CLDN12: variants seen among roughly 807,000 people sequenced by gnomAD.
CLDN12 encodes claudin-12.
Under a neutral mutation model 15.5 loss-of-function variants are expected in CLDN12, and 9 were observed. The observed-to-expected ratio is 0.58, with a 90% CI of 0.35 to 1.02. CLDN12 has a LOEUF of 1.02. Ranked by LOEUF, CLDN12 falls within the 50% of genes least tolerant of loss-of-function variation. The probability of loss-of-function intolerance (pLI) is 0.02; values close to 1 mark genes in which losing one functional copy is unlikely to be tolerated. For missense variants in CLDN12, 233 were observed against 297.3 expected (o/e 0.78, Z 1.59); for synonymous variants, 140 against 121.6 (o/e 1.15, Z -1.00).
At chr7:90,410,356 A>G (rs1016949318) in intron 2 of CLDN12, among the ~76,000 whole-genome samples, 22 of 152,238 alleles carry the variant, frequency 1.4e-4, no homozygotes, top group Admixed American at 2.6e-4. Context: ...AGAAGGTAAC[A>G]TAATAAATAC....
At chr7:90,409,754 A>G (rs1360756814) in intron 2 of CLDN12, among the ~76,000 whole-genome samples, 1 of 152,348 alleles carries the variant, frequency 6.6e-6, no homozygotes, top group East Asian at 1.9e-4. Context: ...ATCACTTGAT[A>G]CGTAGTAATT....
chr7:90,414,292 G>A lies in CLDN12; in HGVS notation c.*881G>A. ...GGACAAGAAGTCTGTTCTTCAGTGA[G>A]TACACTAGAGATTTACTCTGGTGAC... On this transcript the variant is annotated 3_prime_UTR_variant, in exon 4 of 4. Coordinates refer to ENST00000496677, the MANE Select transcript of CLDN12 (RefSeq NM_001185072.3). 3.0e-6 allele frequency: 3 copies of A among 1,000,114 alleles called. No homozygotes were observed. Among genetic ancestry groups the A allele is most frequent in the Non-Finnish European group, 3.6e-6 (3 of 829,854 alleles). 62.0% of individuals were successfully genotyped at this position (1,000,114 alleles called of 1,614,324 possible).
At chr7:90,409,053 C>T (rs1209004168) in intron 2 of CLDN12, 2 of 152,140 alleles carry the variant, frequency 1.3e-5, no homozygotes, top group African/African-American at 2.4e-5. Context: ...TGAGCCACAG[C>T]ACCTGGCCTG....
At chr7:90,410,905 G>A (rs906714833) in intron 2 of CLDN12, among the ~76,000 whole-genome samples, 2 of 152,098 alleles carry the variant, frequency 1.3e-5, no homozygotes. Context: ...GCTGAGGTGG[G>A]AGGATCGCTT....
chr7:90,409,998 G>T (rs1166858717), intron 2 of CLDN12, among the ~76,000 whole-genome samples: 4 of 152,052 alleles, frequency 2.6e-5, no homozygotes, highest in Non-Finnish European at 4.4e-5. Context: ...CATTACCAGT[G>T]GCCCACCTTT....
At position 90,414,469 on chromosome 7, in the gene CLDN12, A is replaced by T. The variant is rs538983399; in HGVS notation, c.*1058A>T. The T allele has an allele frequency of 2.8e-5, 24 of 863,126 alleles. No individual in the cohort carries two copies. The highest frequency in any genetic ancestry group is 3.4e-5 in the Non-Finnish European group (24 of 705,150). The allele number at this position is 863,126 out of a possible 1,614,324, so 53.5% of individuals were successfully genotyped here. ...GTAGGTGCTATAGAGGATACATGAA[A>T]AGTATGAGATCTGGTTCCATCCAGT... On this transcript the variant is annotated 3_prime_UTR_variant, in exon 4 of 4. Coordinates refer to ENST00000496677, the MANE Select transcript of CLDN12 (RefSeq NM_001185072.3).
At chr7:90,408,541 T>A (rs1176187798) in intron 2 of CLDN12, among the ~76,000 whole-genome samples, 5 of 152,176 alleles carry the variant, frequency 3.3e-5, no homozygotes, top group African/African-American at 9.7e-5. Flanking sequence ...TGGTGGGATA[T>A]ATGACTTATC....
chr7:90,405,896 T>A (rs1245387893), intron 2 of CLDN12: 6 of 152,204 alleles, frequency 3.9e-5, no homozygotes, highest in African/African-American at 1.4e-4. Flanking sequence ...GCCCAGGAGT[T>A]TGAGACCATC....
rs1796990980 is a variant in CLDN12 at position 90,412,675 on chromosome 7, C to T, written c.-2C>T. On this transcript the variant is annotated 5_prime_UTR_variant, in exon 4 of 4. Transcript: ENST00000496677. ...TGACAGTACTCCACAAGCTTGCCTG[C>T]CATGGGCTGTCGGGATGTCCACGCA... is the stretch of plus-strand genomic sequence containing the variant. 3 of 1,609,384 alleles carry T rather than the reference C, an allele frequency of 1.9e-6. No individual in the cohort carries two copies. The highest frequency in any genetic ancestry group is 1.3e-5 in the African/African-American group (1 of 74,984).
chr7:90,412,705 C>T lies in CLDN12; in HGVS notation c.29C>T (p.Thr10Ile), dbSNP rs775261538. Residue 10 changes from threonine to isoleucine, a missense_variant, in exon 4 of 4, where the codon ACA becomes ATA. Coordinates refer to ENST00000496677, the MANE Select transcript of CLDN12 (RefSeq NM_001185072.3). ...GGCTGTCGGGATGTCCACGCAGCCA[C>T]AGTCCTTTCCTTCCTGTGTGGAATC... The part of the protein sequence containing the change: MGCRDVHAA[T>I]VLSFLCGIAS... 1.2e-6 allele frequency: 2 copies of T among 1,613,828 alleles called. No individual in the cohort carries two copies. Among genetic ancestry groups the T allele is most frequent in the East Asian group, 2.2e-5 (1 of 44,880 alleles).
Position 90,413,162 on chromosome 7 carries a change from C to A in CLDN12, c.486C>A (p.Asn162Lys), listed in dbSNP as rs1562969631. ...TCATCTTTTATAACATCCATCTGAA[C>A]AAGAAGTTTGAGCCAGTCTTTTCAT... ...IWVIFYNIHLNKKFEPVFSFD... is the reference protein window; with the variant it reads ...IWVIFYNIHLKKKFEPVFSFD... Residue 162 changes from asparagine (N) to lysine (K), a missense_variant, in exon 4 of 4, where the codon AAC (asparagine) becomes AAA (lysine). Physicochemically the swap from Asn to Lys is moderately conservative, Grantham distance 94 (BLOSUM62 0). Coordinates refer to ENST00000496677, the MANE Select transcript of CLDN12 (RefSeq NM_001185072.3). 1.2e-6 allele frequency: 2 copies of A among 1,614,092 alleles called. No homozygotes were observed. The highest frequency in any genetic ancestry group is 1.7e-6 in the Non-Finnish European group (2 of 1,180,042).
At chr7:90,411,376 GA>G (rs1489655545) in intron 2 of CLDN12, among the ~76,000 whole-genome samples, 1 of 152,206 alleles carries the variant, frequency 6.6e-6, no homozygotes, top group African/African-American at 2.4e-5. Context: ...CCTGCTTTGA[GA>G]GTGAATATCA....
chr7:90,409,234 GTTTT>G (rs1796906704), intron 2 of CLDN12: 1 of 151,972 alleles, frequency 6.6e-6, no homozygotes, highest in African/African-American at 2.4e-5. Flanking sequence ...TTGTTTGTTT[GTTTT>G]GAGACAGAGT....
In CLDN12 at chr7:90,413,252, A is replaced by T; in HGVS notation, c.576A>T (p.Leu192=). The change falls in exon 4 of 4, where the codon CTA becomes CTT. Residue 192 remains leucine, a synonymous_variant. Coordinates refer to ENST00000496677, the MANE Select transcript of CLDN12 (RefSeq NM_001185072.3). The part of the protein sequence containing the change: ...AGGLFMTSLI[L]FIWYCTCKSL... ...GCCTGTTTATGACTTCCCTTATACTATTTATTTGGTATTGTACATGCAAAT... is the reference window on the plus strand; with the variant it reads ...GCCTGTTTATGACTTCCCTTATACTTTTTATTTGGTATTGTACATGCAAAT... 6.2e-7 allele frequency: 1 copy of T among 1,613,986 alleles called. No individual in the cohort carries two copies. Among genetic ancestry groups the T allele is most frequent in the Non-Finnish European group, 8.5e-7 (1 of 1,179,978 alleles).
chr7:90,410,550 G>A lies in CLDN12; in HGVS notation c.-76-1457G>A, dbSNP rs148903072. ...GTTAGTAAAATTATTCTGGCTGGGC[G>A]CAGTTGCTCATGACTATAATCCCAG... On this transcript the variant is annotated intron_variant, in intron 2 of 3. Transcript: ENST00000496677. Among the ~76,000 whole-genome samples the A allele has an allele frequency of 2.8e-3, 428 of 152,272 alleles. 10 individuals carry two copies. The highest frequency in any genetic ancestry group is 0.024 in the Admixed American group (364 of 15,288).
In CLDN12 at chr7:90,413,695, A is replaced by T; in HGVS notation, c.*284A>T. ...AAGAGGCCTGCATCACAATTGAGGT[A>T]ATGTAGAGCAACATGTTAAAGAATG... On this transcript the variant is annotated 3_prime_UTR_variant, in exon 4 of 4. Coordinates refer to ENST00000496677, the MANE Select transcript of CLDN12 (RefSeq NM_001185072.3). 2.6e-6 allele frequency: 3 copies of T among 1,142,996 alleles called. No individual in the cohort carries two copies. The highest frequency in any genetic ancestry group is 3.3e-6 in the Non-Finnish European group (3 of 922,328). 70.8% of individuals were successfully genotyped at this position (1,142,996 alleles called of 1,614,324 possible).
intron 2 of CLDN12, among the ~76,000 whole-genome samples, chr7:90,409,436 G>C (rs1350073295): frequency 2.6e-5 from 4 of 152,136 alleles, no homozygotes; most frequent in Non-Finnish European, 5.9e-5. Flanking sequence ...TGACCAGGCT[G>C]GTCTGAAACT....
intron 2 of CLDN12, among the ~76,000 whole-genome samples, chr7:90,411,784 T>G (rs1409247294): frequency 6.6e-6 from 1 of 152,162 alleles, no homozygotes; most frequent in Non-Finnish European, 1.5e-5. Flanking sequence ...AGGAATGAGA[T>G]CAGTTTGTTT....
chr7:90,408,719 G>A (rs1214764556), intron 2 of CLDN12, among the ~76,000 whole-genome samples: 1 of 151,974 alleles, frequency 6.6e-6, no homozygotes, highest in Non-Finnish European at 1.5e-5. Context: ...GTATAGATAG[G>A]CCTCTGTCCA....
Sources: allele counts gnomAD v4.1 joint callset (sites outside exome capture counted in the v4.1 genomes callset), GRCh38; gene constraint gnomAD v4.1.1; transcripts MANE v1.5; gene names NCBI Gene and HGNC (gene_info 2026-07-23, HGNC 2026-07-21).